DLGAP2: variants seen among roughly 807,000 people sequenced by gnomAD.
DLGAP2 encodes the protein DLG associated protein 2, also known as disks large-associated protein 2.
A neutral mutation model predicts 100.3 loss-of-function variants in DLGAP2; 26 were observed. The ratio of observed to expected loss-of-function variants is 0.26; its 90% CI spans 0.19 to 0.36. The LOEUF (loss-of-function observed/expected upper bound fraction) is 0.36. DLGAP2 is among the 10% of genes least tolerant of loss of function. The pLI, the probability that DLGAP2 is intolerant of heterozygous loss-of-function variation, is 1.00. For missense variants in DLGAP2, 1,858 were observed against 1,453.2 expected, an observed-to-expected ratio of 1.28 and a Z score of -4.53; for synonymous variants, 886 against 630.1, an observed-to-expected ratio of 1.41 and a Z score of -6.08.
intron 1 of DLGAP2, among the ~76,000 whole-genome samples, chr8:886,535 G>C (rs1439318536): frequency 6.6e-6 from 1 of 152,118 alleles, no homozygotes; most frequent in African/African-American, 2.4e-5. Context: ...TCTTAACACT[G>C]CTTTAGCTGT....
In DLGAP2 at chr8:773,451, C is replaced by A. The variant is rs573444883; in HGVS notation, c.18+35626C>A. Among the ~76,000 whole-genome samples the A allele has an allele frequency of 2.6e-3, 400 of 151,528 alleles. 2 individuals are homozygous for A. Among genetic ancestry groups the A allele is most frequent in the African/African-American group, 9.3e-3 (384 of 41,234 alleles). On this transcript the variant is annotated intron_variant, in intron 1 of 14. Transcript: ENST00000637795. ...CATGCTGGTGCGCTGCACTCACTAA[C>A]TCGTCATCTAGCATTAGGTATATCG...
chr8:1,183,657 C>A (rs1486930301), intron 2 of DLGAP2, among the ~76,000 whole-genome samples: 1 of 152,204 alleles, frequency 6.6e-6, no homozygotes, highest in Non-Finnish European at 1.5e-5. Context: ...ACAGGGCAGG[C>A]GGTGGAGCCC....
intron 1 of DLGAP2, among the ~76,000 whole-genome samples, chr8:746,012 C>A (rs1260362730): frequency 6.6e-6 from 1 of 152,224 alleles, no homozygotes; most frequent in Non-Finnish European, 1.5e-5. Context: ...AGGTCATCCC[C>A]TCAACACTCT....
chr8:1,322,861 TTTGTCACA>T (rs1259108541), intron 3 of DLGAP2, among the ~76,000 whole-genome samples: 2 of 152,232 alleles, frequency 1.3e-5, no homozygotes, highest in Non-Finnish European at 2.9e-5. Flanking sequence ...TGATGTATCA[TTTGTCACA>T]GTGCATAATT....
intron 3 of DLGAP2, among the ~76,000 whole-genome samples, chr8:1,289,425 G>GC (rs1563063423): frequency 6.6e-6 from 1 of 152,198 alleles, no homozygotes; most frequent in Non-Finnish European, 1.5e-5. Context: ...CTACACACAT[G>GC]CCCTGTCTAT....
At chr8:1,668,235 C>T in intron 8 of DLGAP2, 94 bp from the exon 9 acceptor site, 3 of 1,216,332 alleles carry the variant, frequency 2.5e-6, no homozygotes. Context: ...CAGACTTGCT[C>T]CGTCAACCAC....
chr8:1,191,686 T>G (rs924301541), intron 2 of DLGAP2, among the ~76,000 whole-genome samples: 2 of 152,158 alleles, frequency 1.3e-5, no homozygotes, highest in Non-Finnish European at 2.9e-5. Flanking sequence ...AAGAAGGAAC[T>G]TGAGCTCATT....
chr8:1,103,009 A>G (rs780677316), intron 2 of DLGAP2, among the ~76,000 whole-genome samples: 7 of 149,580 alleles, frequency 4.7e-5, no homozygotes, highest in Non-Finnish European at 8.9e-5. Context: ...GTGGTTCCCT[A>G]TGAGTCTCTG....
intron 3 of DLGAP2, among the ~76,000 whole-genome samples, chr8:1,288,012 TAGG>T (rs1799979578): frequency 2.2e-5 from 2 of 92,996 alleles, no homozygotes; most frequent in East Asian, 3.3e-4. Flanking sequence ...GTGGTTCTGT[TAGG>T]GGGACTAGTT....
intron 3 of DLGAP2, among the ~76,000 whole-genome samples, chr8:1,326,792 C>G (rs573173388): frequency 8.7e-4 from 132 of 152,376 alleles, no homozygotes; most frequent in Non-Finnish European, 1.3e-3. Context: ...TTCCATCTCT[C>G]ATTTCTTCAC....
intron 3 of DLGAP2, among the ~76,000 whole-genome samples, chr8:1,312,483 A>G (rs2117017525): frequency 6.6e-6 from 1 of 152,316 alleles, no homozygotes; most frequent in East Asian, 1.9e-4. Flanking sequence ...TTAAGCAACA[A>G]GAAGAAAACA....
chr8:1,136,693 G>A (rs1208575326), intron 2 of DLGAP2, among the ~76,000 whole-genome samples: 3 of 152,168 alleles, frequency 2.0e-5, no homozygotes, highest in East Asian at 1.9e-4. Context: ...CCCCAGCTTC[G>A]TGCCTGAAGA....
chr8:1,006,880 G>A (rs1270256080), intron 2 of DLGAP2, among the ~76,000 whole-genome samples: 2 of 129,838 alleles, frequency 1.5e-5, no homozygotes, highest in Non-Finnish European at 3.2e-5. Flanking sequence ...TGTGTCTGAA[G>A]TCTCGGGATG....
At chr8:1,364,599 C>T (rs111755508) in intron 3 of DLGAP2, among the ~76,000 whole-genome samples, 34 of 152,334 alleles carry the variant, frequency 2.2e-4, no homozygotes, top group African/African-American at 7.2e-4. Context: ...CAGCAGGGGC[C>T]GGCGTGCCGC....
intron 1 of DLGAP2, among the ~76,000 whole-genome samples, chr8:895,475 A>AG (rs1421027300): frequency 6.6e-6 from 1 of 152,144 alleles, no homozygotes; most frequent in Non-Finnish European, 1.5e-5. Flanking sequence ...CCCCCTTCTG[A>AG]GACCACACGC....
At chr8:932,449 A>C (rs1056235927) in intron 2 of DLGAP2, among the ~76,000 whole-genome samples, 1 of 152,244 alleles carries the variant, frequency 6.6e-6, no homozygotes, top group African/African-American at 2.4e-5. Context: ...CACAAGTGCA[A>C]CGTGTGGTTT....
At position 836,217 on chromosome 8, in the gene DLGAP2, C is replaced by T. The variant is rs574021831; in HGVS notation, c.19-71695C>T. ...GGCCGGGGACTCGGCCGGAAAGCCC[C>T]GGCCGCCTCCTGCTTCCAGTGCCCC... On this transcript the variant is annotated intron_variant, in intron 1 of 14. Coordinates refer to ENST00000637795, the MANE Select transcript of DLGAP2 (RefSeq NM_001346810.2). Among the ~76,000 whole-genome samples the T allele has an allele frequency of 2.2e-3, 337 of 152,324 alleles. 2 individuals are homozygous for T. Among genetic ancestry groups the T allele is most frequent in the African/African-American group, 7.0e-3 (293 of 41,586 alleles).
intron 2 of DLGAP2, among the ~76,000 whole-genome samples, chr8:1,088,992 C>A (rs1210071731): frequency 2.8e-4 from 26 of 91,788 alleles, no homozygotes; most frequent in South Asian, 4.8e-4. Context: ...CAGGCTATGC[C>A]ATTCTCGCTC....
intron 3 of DLGAP2, among the ~76,000 whole-genome samples, chr8:1,326,043 G>C (rs571108390): frequency 7.2e-5 from 11 of 152,264 alleles, no homozygotes; most frequent in African/African-American, 2.6e-4. Context: ...TGGGCCATTT[G>C]TTCAATAAGC....
Sources: allele counts gnomAD v4.1 joint callset (sites outside exome capture counted in the v4.1 genomes callset), GRCh38; gene constraint gnomAD v4.1.1; transcripts MANE v1.5; gene names NCBI Gene and HGNC (gene_info 2026-07-23, HGNC 2026-07-21).